The following GLRA2 variants were observed in gnomAD, a reference collection of about 807,000 sequenced individuals.
GLRA2 encodes glycine receptor subunit alpha-2.
A neutral mutation model predicts 31.6 loss-of-function variants in GLRA2; 11 were observed. The observed-to-expected ratio is 0.35, with a 90% CI of 0.22 to 0.58. The LOEUF (loss-of-function observed/expected upper bound fraction) is 0.58. Among genes scored for constraint, GLRA2 ranks in the 20% least tolerant of loss-of-function variants. The pLI, the probability that GLRA2 is intolerant of heterozygous loss-of-function variation, is 0.84. For synonymous variants in GLRA2, 132 were observed against 134.0 expected (o/e 0.99, Z 0.10); for missense variants, 212 against 351.8 (o/e 0.60, Z 3.18).
At chrX:14,509,092 G>C in the GLRA2 span, among the ~76,000 whole-genome samples, 11 of 112,032 alleles carry the variant, frequency 9.8e-5, no homozygotes, top group South Asian at 3.7e-4. Flanking sequence ...GATAAAGTTG[G>C]ATGCTTTTAC....
At chrX:14,705,211 A>G (rs966017809) in intron 8 of GLRA2, among the ~76,000 whole-genome samples, 1 of 112,288 alleles carries the variant, frequency 8.9e-6, no homozygotes, top group African/African-American at 3.2e-5. Context: ...TTTACATCAG[A>G]TGAACCTGGA....
intron 7 of GLRA2, among the ~76,000 whole-genome samples, chrX:14,655,767 C>T (rs761248588): frequency 1.8e-5 from 2 of 111,789 alleles, no homozygotes; most frequent in East Asian, 2.8e-4. Flanking sequence ...AGCTATGCTT[C>T]CACTGGGCTT....
chrX:14,501,840 G>A, the GLRA2 span, among the ~76,000 whole-genome samples: 1 of 111,182 alleles, frequency 9.0e-6, no homozygotes, highest in African/African-American at 3.3e-5. Context: ...TTTTCTGAAA[G>A]TTCTGGAAGC....
intron 8 of GLRA2, among the ~76,000 whole-genome samples, chrX:14,718,923 G>A (rs1331111761): frequency 3.6e-5 from 4 of 111,549 alleles, no homozygotes; most frequent in Non-Finnish European, 5.7e-5. Context: ...CAAAGGGAGG[G>A]GACATAGACC....
chrX:14,485,822 C>T, the GLRA2 span, among the ~76,000 whole-genome samples: 2 of 111,543 alleles, frequency 1.8e-5, no homozygotes, highest in Admixed American at 1.9e-4. Context: ...ACTTTAAAGA[C>T]ATAAGTCAGA....
At chrX:14,695,113 T>A (rs1323555513) in intron 8 of GLRA2, among the ~76,000 whole-genome samples, 2 of 110,983 alleles carry the variant, frequency 1.8e-5, no homozygotes, top group African/African-American at 3.3e-5. Flanking sequence ...AGATACTGTT[T>A]TAAATCCACA....
intron 5 of GLRA2, 117 bp from the exon 6 acceptor site, chrX:14,607,014 A>C: frequency 2.1e-6 from 1 of 481,923 alleles, no homozygotes; most frequent in Non-Finnish European, 3.6e-6. Context: ...ATGCTCTTGA[A>C]TTGACTGAGC....
At chrX:14,508,361 G>C in the GLRA2 span, among the ~76,000 whole-genome samples, 7 of 112,085 alleles carry the variant, frequency 6.2e-5, no homozygotes, top group Admixed American at 9.4e-5. Flanking sequence ...ATTTTCATTG[G>C]CGGAGGAGAG....
At chrX:14,585,253 A>G (rs2090067564) in intron 4 of GLRA2, among the ~76,000 whole-genome samples, 1 of 111,888 alleles carries the variant, frequency 8.9e-6, no homozygotes, top group Admixed American at 9.6e-5. Flanking sequence ...TTGATGAACC[A>G]GATACTGTAC....
chrX:14,471,213 A>G, the GLRA2 span, among the ~76,000 whole-genome samples: 1 of 111,978 alleles, frequency 8.9e-6, no homozygotes, highest in Non-Finnish European at 1.9e-5. Context: ...GAAGAGACCT[A>G]ATAAATCATG....
chrX:14,475,264 C>T, the GLRA2 span, among the ~76,000 whole-genome samples: 1 of 112,351 alleles, frequency 8.9e-6, no homozygotes, highest in East Asian at 2.8e-4. Context: ...AGCAAGCAGG[C>T]GCAACAATAA....
chrX:14,661,717 T>C (rs2049921418), intron 7 of GLRA2, among the ~76,000 whole-genome samples: 1 of 107,847 alleles, frequency 9.3e-6, no homozygotes, highest in Admixed American at 1.0e-4. Context: ...ACTAAAAATA[T>C]GAACAATTAG....
intron 8 of GLRA2, among the ~76,000 whole-genome samples, chrX:14,725,013 GGAATCAGTTTTA>G (rs988137588): frequency 2.7e-5 from 3 of 111,508 alleles, no homozygotes; most frequent in African/African-American, 9.8e-5. Flanking sequence ...CAGAGACTTT[GGAATCAGTTTTA>G]GAATCAGACA....
intron 7 of GLRA2, among the ~76,000 whole-genome samples, chrX:14,620,958 A>C (rs942591518): frequency 2.7e-5 from 3 of 111,639 alleles, no homozygotes; most frequent in Non-Finnish European, 5.7e-5. Context: ...TGCCACTTTC[A>C]ATCATTGCAT....
intron 7 of GLRA2, among the ~76,000 whole-genome samples, chrX:14,638,577 C>T (rs2090739889): frequency 9.0e-6 from 1 of 110,798 alleles, no homozygotes; most frequent in Non-Finnish European, 1.9e-5. Context: ...CAAAATATGC[C>T]ATGTCTCCTA....
chrX:14,501,785 G>A, the GLRA2 span, among the ~76,000 whole-genome samples: 1 of 111,734 alleles, frequency 8.9e-6, no homozygotes, highest in Non-Finnish European at 1.9e-5. Context: ...AGCTGCCATA[G>A]CAAAGTACCA....
the GLRA2 span, among the ~76,000 whole-genome samples, chrX:14,485,443 G>A: frequency 2.0e-4 from 22 of 111,158 alleles, no homozygotes; most frequent in African/African-American, 6.9e-4. Context: ...ACAGTTGCTC[G>A]CCCCAAAACC....
chrX:14,653,363 G>T (rs1601802985), intron 7 of GLRA2, among the ~76,000 whole-genome samples: 1 of 112,123 alleles, frequency 8.9e-6, no homozygotes, highest in East Asian at 2.8e-4. Flanking sequence ...GTGATTCATG[G>T]AAGGAGGTCA....
chrX:14,534,640 A>G (rs900449203), intron 2 of GLRA2, among the ~76,000 whole-genome samples: 3 of 111,084 alleles, frequency 2.7e-5, no homozygotes, highest in Non-Finnish European at 3.8e-5. Context: ...TTTTATATAT[A>G]CATACATACA....
Sources: allele counts gnomAD v4.1 joint callset (sites outside exome capture counted in the v4.1 genomes callset), GRCh38; gene constraint gnomAD v4.1.1; transcripts MANE v1.5; gene names NCBI Gene and HGNC (gene_info 2026-07-23, HGNC 2026-07-21).